The following PTER variants were observed in gnomAD, a reference collection of about 807,000 sequenced individuals.
PTER encodes the protein N-acetyltaurine hydrolase.
In PTER, 38 loss-of-function variants were observed where a neutral mutation model predicts 29.6. The ratio of observed to expected loss-of-function variants is 1.28; its 90% CI spans 0.99 to 1.68. The LOEUF (loss-of-function observed/expected upper bound fraction) is 1.68, where lower values mean the gene tolerates loss of function less well. PTER is among the 40% of genes most tolerant of loss of function. The pLI, the probability that PTER is intolerant of heterozygous loss-of-function variation, is 0.00. For missense variants in PTER, 482 were observed against 427.8 expected (o/e 1.13, Z -1.12); for synonymous variants, 172 against 154.5 (o/e 1.11, Z -0.84).
intron 3 of PTER, 127 bp downstream of exon 3, chr10:16,486,744 G>C (rs1835717790): frequency 4.6e-6 from 5 of 1,093,528 alleles, no homozygotes; most frequent in Non-Finnish European, 6.4e-6. Context: ...TATATGGAAG[G>C]TAGTATTTAT....
intron 1 of PTER, among the ~76,000 whole-genome samples, chr10:16,438,852 C>T (rs1833749490): frequency 6.9e-6 from 1 of 145,206 alleles, no homozygotes; most frequent in African/African-American, 2.6e-5. Flanking sequence ...ACCTGGGAGG[C>T]AGAGGCGGCT....
chr10:16,476,972 T>C (rs1835293027), intron 1 of PTER, among the ~76,000 whole-genome samples: 1 of 148,744 alleles, frequency 6.7e-6, no homozygotes. Context: ...GTGGTGTGAT[T>C]TGGGCTCACT....
intron 1 of PTER, among the ~76,000 whole-genome samples, chr10:16,477,663 T>C (rs1281365631): frequency 6.6e-6 from 1 of 152,178 alleles, no homozygotes; most frequent in Admixed American, 6.5e-5. Context: ...GTTAACCAAG[T>C]TGCCCAAACC....
Position 16,486,341 on chromosome 10 carries a change from C to G in PTER, c.433-11C>G, listed in dbSNP as rs762610683. ...AACCTATAAAATATATTCCTTCTCA[C>G]TCTTCCTTAGCTTACCGATGTCCTT... On this transcript the variant is annotated splice_polypyrimidine_tract_variant and intron_variant, in intron 2 of 4. Transcript: ENST00000535784. The G allele has an allele frequency of 6.2e-7, 1 of 1,604,060 alleles. No homozygotes were observed. The highest frequency in any genetic ancestry group is 1.7e-5 in the Admixed American group (1 of 58,938).
At chr10:16,465,839 G>A (rs1017451613) in intron 1 of PTER, among the ~76,000 whole-genome samples, 1 of 152,158 alleles carries the variant, frequency 6.6e-6, no homozygotes, top group African/African-American at 2.4e-5. Context: ...GGGGAATCAC[G>A]CATGTCTTAC....
At chr10:16,472,495 C>A (rs575736203) in intron 1 of PTER, among the ~76,000 whole-genome samples, 2 of 152,258 alleles carry the variant, frequency 1.3e-5, no homozygotes, top group South Asian at 4.1e-4. Flanking sequence ...TGCAAGCTCT[C>A]TTGCCTGCTG....
At chr10:16,464,760 C>T (rs1197313326) in intron 1 of PTER, among the ~76,000 whole-genome samples, 1 of 152,210 alleles carries the variant, frequency 6.6e-6, no homozygotes, top group Admixed American at 6.5e-5. Flanking sequence ...GTTGTCCACA[C>T]CGATCTCACA....
intron 1 of PTER, among the ~76,000 whole-genome samples, chr10:16,474,562 CAG>C (rs1404741475): frequency 6.6e-6 from 1 of 151,964 alleles, no homozygotes. Context: ...GGTGCTCTAA[CAG>C]AATAATATAG....
intron 4 of PTER, among the ~76,000 whole-genome samples, chr10:16,508,168 A>T (rs1247276436): frequency 6.9e-6 from 1 of 144,244 alleles, no homozygotes; most frequent in Non-Finnish European, 1.5e-5. Context: ...TCCCAGGTTC[A>T]CGCCATTCTC....
chr10:16,492,703 G>C (rs1835942602), intron 3 of PTER, among the ~76,000 whole-genome samples: 1 of 152,144 alleles, frequency 6.6e-6, no homozygotes. Context: ...TTTTCTACTT[G>C]GTTATCTATT....
chr10:16,457,999 C>T (rs1051435478), intron 1 of PTER, among the ~76,000 whole-genome samples: 3 of 152,162 alleles, frequency 2.0e-5, no homozygotes, highest in Admixed American at 2.0e-4. Context: ...ATTGCAAACT[C>T]CTTGAAGACA....
In PTER at chr10:16,462,570, C is replaced by CTTT. The variant is rs1293360557; in HGVS notation, c.-48-21751_-48-21749dup. 2.4e-4 allele frequency among the ~76,000 whole-genome samples: 31 copies of CTTT among 126,964 alleles called. 1 individual carries two copies. Among genetic ancestry groups the CTTT allele is most frequent in the African/African-American group, 5.1e-4 (17 of 33,320 alleles). 83.3% of individuals were successfully genotyped at this position (126,964 alleles called of 152,430 possible). On this transcript the variant is annotated intron_variant, in intron 1 of 4. Coordinates refer to ENST00000535784, the MANE Select transcript of PTER (RefSeq NM_001261836.2). ...TGTGCTGTGTCTTCCACATAATCTA[C>CTTT]TTTTTTTTTTTTTTTTTTGAGACAG...
At chr10:16,516,842 T>C (rs905044084), downstream of PTER, among the ~76,000 whole-genome samples, 6 of 152,200 alleles carry the variant, frequency 3.9e-5, no homozygotes, top group Non-Finnish European at 5.9e-5. Flanking sequence ...ACCACCTTTG[T>C]TGGATCAAGC....
Position 16,513,133 on chromosome 10 carries a change from G to C in PTER, c.*1877G>C, listed in dbSNP as rs1427528612. On this transcript the variant is annotated 3_prime_UTR_variant, in exon 5 of 5. Transcript: ENST00000535784. ...GCAGTTAAAGTATTGATTGGCATAT[G>C]GTAATAGAGCAACCATAGCCTTAAC... 6.6e-6 allele frequency: 1 copy of C among 152,142 alleles called. No individual in the cohort carries two copies. Among genetic ancestry groups the C allele is most frequent in the South Asian group, 2.1e-4 (1 of 4,824 alleles). The allele number at this position is 152,142 out of a possible 1,614,324, so 9.4% of individuals were successfully genotyped here.
chr10:16,466,816 T>G (rs1463909184), intron 1 of PTER, among the ~76,000 whole-genome samples: 3 of 152,330 alleles, frequency 2.0e-5, no homozygotes, highest in East Asian at 1.9e-4. Flanking sequence ...CATACAGCCT[T>G]TCTGTGATTC....
chr10:16,462,665 G>A (rs963462762), intron 1 of PTER, among the ~76,000 whole-genome samples: 9 of 150,538 alleles, frequency 6.0e-5, no homozygotes, highest in African/African-American at 2.0e-4. Context: ...CCGGCTCCCA[G>A]GTTAAAGTGA....
chr10:16,444,167 A>G (rs1417309412), intron 1 of PTER, among the ~76,000 whole-genome samples: 1 of 151,936 alleles, frequency 6.6e-6, no homozygotes, highest in Non-Finnish European at 1.5e-5. Context: ...ATGCCCAGCT[A>G]ACTTTTATAT....
chr10:16,504,130 G>A (rs1836470124), intron 3 of PTER, among the ~76,000 whole-genome samples: 1 of 151,514 alleles, frequency 6.6e-6, no homozygotes, highest in Admixed American at 6.6e-5. Flanking sequence ...CTGCTAGGAT[G>A]TTTTTATTCC....
intron 4 of PTER, among the ~76,000 whole-genome samples, chr10:16,507,478 T>C (rs1836620811): frequency 1.3e-5 from 2 of 152,060 alleles, no homozygotes; most frequent in African/African-American, 4.8e-5. Context: ...AACCATGAGA[T>C]TCAAGTATTG....
Sources: allele counts gnomAD v4.1 joint callset (sites outside exome capture counted in the v4.1 genomes callset), GRCh38; gene constraint gnomAD v4.1.1; transcripts MANE v1.5; gene names NCBI Gene and HGNC (gene_info 2026-07-23, HGNC 2026-07-21).